The following RARB variants were observed in gnomAD, a reference collection of about 807,000 sequenced individuals.
The protein encoded by RARB is retinoic acid receptor beta, also known as HBV-activated protein.
In RARB, 17 loss-of-function variants were observed where a neutral mutation model predicts 51.9. The observed-to-expected ratio is 0.33, with a 90% confidence interval of 0.22 to 0.49. The LOEUF is 0.49. RARB is among the 20% of genes least tolerant of loss of function. RARB has a pLI of 0.99. For missense variants in RARB, 369 were observed against 550.8 expected (o/e 0.67, Z 3.30); for synonymous variants, 215 against 195.4 (o/e 1.10, Z -0.84).
intron 5 of RARB, among the ~76,000 whole-genome samples, chr3:25,200,081 A>G (rs1280658793): frequency 1.3e-5 from 2 of 152,062 alleles, no homozygotes; most frequent in Non-Finnish European, 2.9e-5. Context: ...AAGTATTCCT[A>G]TTTCTCCACA....
intron 5 of RARB, among the ~76,000 whole-genome samples, chr3:25,399,733 C>T (rs537802523): frequency 9.4e-4 from 143 of 152,176 alleles, no homozygotes; most frequent in Non-Finnish European, 1.7e-3. Flanking sequence ...ATATTAAAAC[C>T]AACTAAAAGT....
At chr3:25,196,144 ATG>A (rs1559500779) in intron 5 of RARB, among the ~76,000 whole-genome samples, 1 of 152,030 alleles carries the variant, frequency 6.6e-6, no homozygotes, top group Non-Finnish European at 1.5e-5. Context: ...GTATGTATAC[ATG>A]TGCCATGTTG....
In RARB at chr3:24,997,067, A is replaced by T. The variant is rs4410417; in HGVS notation, c.-379-63058A>T. On this transcript the variant is annotated intron_variant, in intron 2 of 11. Transcript: ENST00000383772. ...TTGAGAGTGGGATATTGAGTTCTCC[A>T]GCTATTATTGTATTGAGGTCTATCT... is the stretch of plus-strand genomic sequence containing the variant. Among the ~76,000 whole-genome samples, 7 of 152,052 alleles carry T rather than the reference A, an allele frequency of 4.6e-5. No individual in the cohort carries two copies. In the East Asian group the frequency reaches 7.7e-4, roughly 17 times the overall value.
At chr3:25,364,856 C>T (rs970841607) in intron 5 of RARB, among the ~76,000 whole-genome samples, 2 of 152,138 alleles carry the variant, frequency 1.3e-5, no homozygotes, top group African/African-American at 2.4e-5. Flanking sequence ...GTACAAGCTG[C>T]CTCTTATTAT....
chr3:25,357,022 A>G (rs7637182), intron 5 of RARB, among the ~76,000 whole-genome samples: 1 of 152,078 alleles, frequency 6.6e-6, no homozygotes, highest in African/African-American at 2.4e-5. Flanking sequence ...TCCTTTGGGT[A>G]TATACCTACT....
intron 5 of RARB, among the ~76,000 whole-genome samples, chr3:25,216,690 G>T (rs542510785): frequency 6.6e-5 from 10 of 150,942 alleles, no homozygotes; most frequent in African/African-American, 2.5e-4. Context: ...CATTCTGCAC[G>T]TGTATCCTGT....
intron 5 of RARB, among the ~76,000 whole-genome samples, chr3:25,305,384 A>G (rs1159410775): frequency 6.6e-6 from 1 of 152,114 alleles, no homozygotes; most frequent in African/African-American, 2.4e-5. Context: ...TAAAAATATG[A>G]TATCTCCCAA....
At chr3:24,901,784 T>G (rs938359726) in intron 2 of RARB, among the ~76,000 whole-genome samples, 2 of 152,134 alleles carry the variant, frequency 1.3e-5, no homozygotes, top group African/African-American at 2.4e-5. Context: ...AGCTGTCGCT[T>G]CTTAGAATAG....
chr3:25,456,368 A>G (rs1047509125), intron 1 of RARB, among the ~76,000 whole-genome samples: 33 of 152,106 alleles, frequency 2.2e-4, no homozygotes, highest in Non-Finnish European at 4.7e-4. Flanking sequence ...GCAAAAAAAG[A>G]AAAGGACCTC....
intron 2 of RARB, among the ~76,000 whole-genome samples, chr3:24,989,598 A>T (rs553043108): frequency 9.4e-6 from 1 of 106,594 alleles, no homozygotes; most frequent in East Asian, 3.0e-4. Flanking sequence ...AGTGAAGTTG[A>T]GCGTCATTTT....
intron 2 of RARB, among the ~76,000 whole-genome samples, chr3:24,971,334 G>C (rs1288949283): frequency 1.3e-5 from 2 of 151,940 alleles, no homozygotes; most frequent in Admixed American, 1.3e-4. Context: ...TTGGACTCTA[G>C]ATTGATGTTA....
chr3:25,067,963 T>A (rs913113206), intron 3 of RARB, among the ~76,000 whole-genome samples: 25 of 151,266 alleles, frequency 1.7e-4, no homozygotes, highest in African/African-American at 4.9e-5. Context: ...ATGGTAAAAC[T>A]CTGTCTCTAC....
intron 5 of RARB, among the ~76,000 whole-genome samples, chr3:25,404,918 T>A (rs1025669655): frequency 2.0e-5 from 3 of 152,198 alleles, no homozygotes; most frequent in African/African-American, 7.2e-5. Flanking sequence ...GTAGGTCTCA[T>A]GCCCAATCAG....
At chr3:25,015,098 G>A (rs1157508497) in intron 2 of RARB, among the ~76,000 whole-genome samples, 1 of 152,152 alleles carries the variant, frequency 6.6e-6, no homozygotes, top group South Asian at 2.1e-4. Flanking sequence ...CTGGCTTTGA[G>A]TGTCTGTGTA....
intron 4 of RARB, among the ~76,000 whole-genome samples, chr3:25,570,704 A>T (rs924944618): frequency 6.6e-6 from 1 of 152,208 alleles, no homozygotes; most frequent in African/African-American, 2.4e-5. Context: ...TCACTGATGT[A>T]TATTTCTAAC....
At position 25,546,871 on chromosome 3, in the gene RARB, A is replaced by G. The variant is rs554673203; in HGVS notation, c.449-22887A>G. Among the ~76,000 whole-genome samples the G allele has an allele frequency of 9.8e-5, 15 of 152,292 alleles. No homozygotes were observed. In the East Asian group the frequency reaches 2.1e-3, roughly 22 times the overall value. ...TCCTTACCTCATGTTTTAGTTTAAC[A>G]TTGCGAATATTTCCTCTGTGTCATC... On this transcript the variant is annotated intron_variant, in intron 3 of 7. Transcript: ENST00000330688.
At chr3:25,364,588 G>A (rs762473119) in intron 5 of RARB, among the ~76,000 whole-genome samples, 1 of 152,202 alleles carries the variant, frequency 6.6e-6, no homozygotes, top group Non-Finnish European at 1.5e-5. Flanking sequence ...TAGAGATTCA[G>A]CAGGAACTAT....
intron 2 of RARB, among the ~76,000 whole-genome samples, chr3:24,950,734 T>A (rs568302613): frequency 5.5e-4 from 81 of 148,222 alleles, no homozygotes; most frequent in Non-Finnish European, 1.0e-3. Context: ...AAAAGGTGAT[T>A]TGGCAAGAGA....
rs1263710794 is a variant in RARB at position 25,418,167 on chromosome 3, T to C, written c.179-43026T>C. ...AGGAGGCTGGGAAATATGGTGTCTA[T>C]CTGGATGGCGATATGCTCAGCTAGA... On this transcript the variant is annotated intron_variant, in intron 5 of 11. Coordinates refer to the RARB transcript ENST00000383772. Among the ~76,000 whole-genome samples, 3 of 152,182 alleles carry C rather than the reference T, an allele frequency of 2.0e-5. No homozygotes were observed. The East Asian group carries it at 5.8e-4, about 29-fold the overall frequency.
Sources: gnomAD v4.1 joint callset for allele counts (sites outside exome capture counted in the v4.1 genomes callset) on GRCh38, gnomAD v4.1.1 for gene constraint, MANE v1.5 for transcripts, NCBI Gene and HGNC (gene_info 2026-07-23, HGNC 2026-07-21) for gene names.